COL10A1: variants seen among roughly 807,000 people sequenced by gnomAD.
The protein encoded by COL10A1 is collagen alpha-1(X) chain.
In COL10A1, 10 loss-of-function variants were observed where a neutral mutation model predicts 18.2. That is an observed-to-expected ratio of 0.55 (90% CI 0.34 to 0.93). COL10A1 has a LOEUF of 0.93. COL10A1 is among the 40% of genes least tolerant of loss of function. COL10A1 has a pLI of 0.02. For missense variants in COL10A1, 897 were observed against 853.5 expected, an observed-to-expected ratio of 1.05 and a Z score of -0.64; for synonymous variants, 330 against 316.6, an observed-to-expected ratio of 1.04 and a Z score of -0.45.
the COL10A1 span, among the ~76,000 whole-genome samples, chr6:116,196,898 TC>T: frequency 6.6e-6 from 1 of 151,608 alleles, no homozygotes; most frequent in Non-Finnish European, 1.5e-5. Flanking sequence ...CCTCCCCTCT[TC>T]TACTCTGGTG....
At chr6:116,181,719 C>A in the COL10A1 span, among the ~76,000 whole-genome samples, 1 of 149,398 alleles carries the variant, frequency 6.7e-6, no homozygotes, top group Non-Finnish European at 1.5e-5. Context: ...GCTTTCTGTG[C>A]AAAAAAAAAG....
intron 1 of COL10A1, among the ~76,000 whole-genome samples, chr6:116,158,101 T>G (rs1780242289): frequency 6.6e-6 from 1 of 151,334 alleles, no homozygotes; most frequent in African/African-American, 2.5e-5. Context: ...CTACAAGAAC[T>G]TTCTAGTTTC....
At chr6:116,152,893 C>T (rs1039348414) in intron 1 of COL10A1, among the ~76,000 whole-genome samples, 2 of 151,886 alleles carry the variant, frequency 1.3e-5, no homozygotes, top group African/African-American at 2.4e-5. Flanking sequence ...TCTATGATGT[C>T]GCCAGAGAAA....
chr6:116,193,295 T>C, the COL10A1 span, among the ~76,000 whole-genome samples: 1 of 151,982 alleles, frequency 6.6e-6, no homozygotes, highest in Non-Finnish European at 1.5e-5. Flanking sequence ...CTTATAGGAG[T>C]GCTGTGATAA....
the COL10A1 span, among the ~76,000 whole-genome samples, chr6:116,170,112 A>G: frequency 2.0e-5 from 3 of 152,240 alleles, no homozygotes; most frequent in African/African-American, 7.2e-5. Context: ...GTTTAGAAGG[A>G]TAAGGGGAAA....
At chr6:116,163,645 T>G (rs1780397800), upstream of COL10A1, among the ~76,000 whole-genome samples, 1 of 152,182 alleles carries the variant, frequency 6.6e-6, no homozygotes, top group Non-Finnish European at 1.5e-5. Flanking sequence ...CTTTATTTCT[T>G]TACTTCTGCT....
chr6:116,204,639 A>G, the COL10A1 span, among the ~76,000 whole-genome samples: 17 of 152,006 alleles, frequency 1.1e-4, no homozygotes, highest in Non-Finnish European at 2.1e-4. Context: ...AAGTACTCAT[A>G]TGTATACATG....
the COL10A1 span, among the ~76,000 whole-genome samples, chr6:116,191,111 G>A: frequency 2.6e-5 from 4 of 151,944 alleles, no homozygotes; most frequent in Admixed American, 2.0e-4. Flanking sequence ...GCAAATATCT[G>A]TGGAAACCAA....
At chr6:116,142,827 A>G (rs1191253870) in intron 1 of COL10A1, among the ~76,000 whole-genome samples, 1 of 152,298 alleles carries the variant, frequency 6.6e-6, no homozygotes, top group East Asian at 1.9e-4. Flanking sequence ...CAGTTCTAAA[A>G]GTTATTTTCG....
At chr6:116,176,705 C>A in the COL10A1 span, among the ~76,000 whole-genome samples, 1 of 152,278 alleles carries the variant, frequency 6.6e-6, no homozygotes, top group South Asian at 2.1e-4. Context: ...GGACTTGCTG[C>A]CCTTCCTCCA....
At chr6:116,184,773 T>G in the COL10A1 span, among the ~76,000 whole-genome samples, 11 of 152,130 alleles carry the variant, frequency 7.2e-5, no homozygotes, top group Non-Finnish European at 1.3e-4. Context: ...GGTTCTTCTC[T>G]CTTCTTAGTT....
chr6:116,201,722 C>T, the COL10A1 span, among the ~76,000 whole-genome samples: 1 of 151,974 alleles, frequency 6.6e-6, no homozygotes, highest in Admixed American at 6.6e-5. Context: ...TGGGCAAGGA[C>T]ATGCAGCCGA....
chr6:116,138,520 G>A (rs1484182229), intron 1 of COL10A1, among the ~76,000 whole-genome samples: 6 of 152,172 alleles, frequency 3.9e-5, no homozygotes, highest in African/African-American at 1.2e-4. Flanking sequence ...GGCTAGTTCA[G>A]AATTTGCTAA....
upstream of COL10A1, among the ~76,000 whole-genome samples, chr6:116,160,972 A>G (rs1780313613): frequency 6.6e-6 from 1 of 152,044 alleles, no homozygotes; most frequent in Non-Finnish European, 1.5e-5. Context: ...CTGGATTAAG[A>G]AAATGTGGCA....
the COL10A1 span, among the ~76,000 whole-genome samples, chr6:116,207,276 C>T: frequency 1.4e-5 from 2 of 146,194 alleles, no homozygotes; most frequent in Admixed American, 6.8e-5. Flanking sequence ...TATTTCTGTA[C>T]CTGCATTTCC....
intron 1 of COL10A1, chr6:116,137,156 T>A (rs1035232464): frequency 2.0e-5 from 4 of 196,858 alleles, no homozygotes; most frequent in Non-Finnish European, 3.5e-5. Context: ...CTTGCGTAGA[T>A]GTGGCTGCCA....
chr6:116,120,574 G>A lies in COL10A1; in HGVS notation c.1542C>T (p.Gly514=), dbSNP rs960008771. 2.1e-5 allele frequency: 34 copies of A among 1,601,538 alleles called. No individual in the cohort carries two copies. The highest frequency in any genetic ancestry group is 2.6e-5 in the Non-Finnish European group (30 of 1,174,862). ...CAGGCATGACTGCTTGACCTGGTGG[G>A]CCTGGAGGCCCAGGGGGCCCTGGAA... is the stretch of plus-strand genomic sequence containing the variant. ...PGLPGPPGPP[G]PPGQAVMPEG... Residue 514 remains glycine (G), a synonymous_variant, in exon 3 of 3, where the codon GGC becomes GGT. Coordinates refer to ENST00000651968, the MANE Select transcript of COL10A1 (RefSeq NM_000493.4).
At chr6:116,144,070 A>T (rs1779831335) in intron 1 of COL10A1, among the ~76,000 whole-genome samples, 2 of 152,196 alleles carry the variant, frequency 1.3e-5, no homozygotes, top group African/African-American at 4.8e-5. Flanking sequence ...TATTTTTATA[A>T]TGAGGATATT....
At chr6:116,165,064 T>C in the COL10A1 span, among the ~76,000 whole-genome samples, 1 of 142,234 alleles carries the variant, frequency 7.0e-6, no homozygotes, top group Non-Finnish European at 1.5e-5. Context: ...ACCACTGCGC[T>C]TCAGTCTAGG....
Sources: gnomAD v4.1 joint callset for allele counts (sites outside exome capture counted in the v4.1 genomes callset) on GRCh38, gnomAD v4.1.1 for gene constraint, MANE v1.5 for transcripts, NCBI Gene and HGNC (gene_info 2026-07-23, HGNC 2026-07-21) for gene names.